MED27: variants seen among roughly 807,000 people sequenced by gnomAD.
The protein encoded by MED27 is mediator of RNA polymerase II transcription subunit 27.
A neutral mutation model predicts 38.2 loss-of-function variants in MED27; 30 were observed. The observed-to-expected ratio is 0.79, with a 90% confidence interval of 0.59 to 1.07. The LOEUF is 1.07. Among genes scored for constraint, MED27 ranks in the 50% least tolerant of loss-of-function variants. MED27 has a pLI of 0.00. For missense variants in MED27, 289 were observed against 397.5 expected, an observed-to-expected ratio of 0.73 and a Z score of 2.32; for synonymous variants, 122 against 153.5, an observed-to-expected ratio of 0.79 and a Z score of 1.52.
chr9:131,939,766 C>G (rs1441896525), intron 3 of MED27, among the ~76,000 whole-genome samples: 1 of 152,176 alleles, frequency 6.6e-6, no homozygotes, highest in East Asian at 1.9e-4. Context: ...AACAACATGG[C>G]CCCCTCCCTT....
intron 2 of MED27, among the ~76,000 whole-genome samples, chr9:132,070,375 G>A (rs1347382507): frequency 6.6e-6 from 1 of 152,200 alleles, no homozygotes; most frequent in African/African-American, 2.4e-5. Context: ...GGGCGACATA[G>A]TGAGACCCCC....
At chr9:132,026,615 T>C (rs765346728) in intron 2 of MED27, among the ~76,000 whole-genome samples, 7 of 152,166 alleles carry the variant, frequency 4.6e-5, no homozygotes, top group Non-Finnish European at 8.8e-5. Flanking sequence ...GATGGCCTGA[T>C]GGATGCAAAG....
In MED27 at chr9:132,051,211, A is replaced by G. The variant is rs1428799990; in HGVS notation, c.348+26231T>C. On this transcript the variant is annotated intron_variant, in intron 2 of 7. Coordinates refer to ENST00000292035, the MANE Select transcript of MED27 (RefSeq NM_004269.4). The surrounding 1 kb of genome is among the most constrained non-coding windows in gnomAD (Gnocchi z 4.2). ...TATCAATTATTTACTGATAAATTAG[A>G]TCAGATTCAAGGTTATCCCTAATAA... Among the ~76,000 whole-genome samples the G allele has an allele frequency of 6.6e-6, 1 of 152,248 alleles. No homozygotes were observed. The highest frequency in any genetic ancestry group is 1.5e-5 in the Non-Finnish European group (1 of 68,042).
chr9:131,876,087 G>A (rs1838927008), intron 6 of MED27, among the ~76,000 whole-genome samples: 1 of 152,218 alleles, frequency 6.6e-6, no homozygotes, highest in Admixed American at 6.5e-5. Context: ...GAGAGCGGAT[G>A]GGTGGGGGCC....
chr9:131,979,382 C>A (rs1258303018), intron 3 of MED27, among the ~76,000 whole-genome samples: 1 of 150,786 alleles, frequency 6.6e-6, no homozygotes, highest in Non-Finnish European at 1.5e-5. Context: ...GCTTATGTAT[C>A]TTCCTTTCTG....
chr9:131,962,638 T>C (rs1381153796), intron 3 of MED27, among the ~76,000 whole-genome samples: 1 of 152,136 alleles, frequency 6.6e-6, no homozygotes, highest in Non-Finnish European at 1.5e-5. Flanking sequence ...ATCGAAATTA[T>C]CCCACTAGGT....
At chr9:131,955,840 A>G (rs1564298406) in intron 3 of MED27, among the ~76,000 whole-genome samples, 2 of 152,238 alleles carry the variant, frequency 1.3e-5, no homozygotes, top group African/African-American at 4.8e-5. Context: ...ATGGAAATTC[A>G]GAAAACAGAG....
At chr9:131,956,614 CA>C (rs754763103) in intron 3 of MED27, among the ~76,000 whole-genome samples, 1,014 of 64,572 alleles carry the variant, frequency 0.016, 4 homozygotes, top group African/African-American at 0.045. Context: ...GACTCCGCCT[CA>C]AAAAAAAAAA....
At chr9:131,961,005 G>C (rs1000535386) in intron 3 of MED27, among the ~76,000 whole-genome samples, 2 of 152,218 alleles carry the variant, frequency 1.3e-5, no homozygotes, top group African/African-American at 4.8e-5. Context: ...GAGGCATGCA[G>C]GGTTAAAGCT....
At chr9:132,030,068 T>C (rs560516384) in intron 2 of MED27, among the ~76,000 whole-genome samples, 1 of 152,294 alleles carries the variant, frequency 6.6e-6, no homozygotes, top group South Asian at 2.1e-4. Flanking sequence ...TGTCCTGGTT[T>C]TCAAAGACAG....
chr9:131,882,539 C>G (rs889858548), intron 6 of MED27, among the ~76,000 whole-genome samples: 1 of 152,222 alleles, frequency 6.6e-6, no homozygotes, highest in Non-Finnish European at 1.5e-5. Flanking sequence ...GGGGATAACT[C>G]GGACCAAGCT....
intron 2 of MED27, among the ~76,000 whole-genome samples, chr9:132,061,928 A>G (rs1271354630): frequency 2.0e-5 from 3 of 152,240 alleles, no homozygotes; most frequent in Non-Finnish European, 4.4e-5. Context: ...AAAGAAAAAA[A>G]CAAGCCTTAA....
intron 4 of MED27, among the ~76,000 whole-genome samples, chr9:131,916,749 C>T (rs887246987): frequency 2.6e-5 from 4 of 152,080 alleles, no homozygotes; most frequent in Admixed American, 6.5e-5. Flanking sequence ...CAGCACCTCC[C>T]GGTTACCATC....
At chr9:131,973,982 G>A (rs1041069487) in intron 3 of MED27, among the ~76,000 whole-genome samples, 2 of 151,994 alleles carry the variant, frequency 1.3e-5, no homozygotes, top group African/African-American at 4.8e-5. Flanking sequence ...CAAAGTGCTG[G>A]GATTACAGGC....
chr9:131,905,949 G>A (rs1830054856), intron 4 of MED27, among the ~76,000 whole-genome samples: 1 of 152,134 alleles, frequency 6.6e-6, no homozygotes, highest in Non-Finnish European at 1.5e-5. Flanking sequence ...GACATTCACA[G>A]AGCTAACAGT....
intron 4 of MED27, among the ~76,000 whole-genome samples, chr9:131,924,621 T>C (rs1490111217): frequency 6.6e-6 from 1 of 152,176 alleles, no homozygotes; most frequent in Non-Finnish European, 1.5e-5. Context: ...TGCATCATAC[T>C]CAATTTCCAC....
chr9:131,995,969 A>G (rs549629840), intron 3 of MED27, among the ~76,000 whole-genome samples: 3 of 152,260 alleles, frequency 2.0e-5, no homozygotes, highest in Admixed American at 1.3e-4. Context: ...CCCATGGTAG[A>G]CTTCAAGCAT....
chr9:131,896,599 T>C (rs1414329400), intron 4 of MED27, among the ~76,000 whole-genome samples: 1 of 152,170 alleles, frequency 6.6e-6, no homozygotes, highest in Non-Finnish European at 1.5e-5. Context: ...AAGACAGTTG[T>C]TCCTGGTCTT....
chr9:132,064,800 A>T (rs1833774329), intron 2 of MED27, among the ~76,000 whole-genome samples: 1 of 152,220 alleles, frequency 6.6e-6, no homozygotes, highest in Non-Finnish European at 1.5e-5. Flanking sequence ...TACATTTGCC[A>T]ATTTAAGTCA....
Sources: allele counts gnomAD v4.1 joint callset (sites outside exome capture counted in the v4.1 genomes callset), GRCh38; gene constraint gnomAD v4.1.1; non-coding constraint Gnocchi (gnomAD v3.1); transcripts MANE v1.5; gene names NCBI Gene and HGNC (gene_info 2026-07-23, HGNC 2026-07-21).